The following ZFHX3 variants were observed in gnomAD, a reference collection of about 807,000 sequenced individuals.
ZFHX3 encodes zinc finger homeobox 3.
A neutral mutation model predicts 279.1 loss-of-function variants in ZFHX3; 42 were observed. The ratio of observed to expected loss-of-function variants is 0.15; its 90% CI spans 0.12 to 0.19. The LOEUF (loss-of-function observed/expected upper bound fraction) is 0.19, where lower values mean the gene tolerates loss of function less well. Ranked by LOEUF, ZFHX3 falls within the 10% of genes least tolerant of loss-of-function variation. ZFHX3 has a pLI of 1.00. For synonymous variants in ZFHX3, 2,293 were observed against 1,957.8 expected, an observed-to-expected ratio of 1.17 and a Z score of -4.52; for missense variants, 4,981 against 4,754.0, an observed-to-expected ratio of 1.05 and a Z score of -1.40.
intron 1 of ZFHX3, among the ~76,000 whole-genome samples, chr16:73,708,558 T>A (rs1468844915): frequency 6.6e-6 from 1 of 152,204 alleles, no homozygotes; most frequent in Non-Finnish European, 1.5e-5. Flanking sequence ...AGGATTACCA[T>A]CAGAACTGTT....
intron 1 of ZFHX3, among the ~76,000 whole-genome samples, chr16:73,778,236 T>TA (rs10654824): frequency 0.015 from 863 of 58,680 alleles, 103 homozygotes; most frequent in Admixed American, 0.039. Context: ...GAAGGAGTGT[T>TA]AAAAAAAAAA....
In ZFHX3 at chr16:72,959,797, C is replaced by G. The variant is rs201151237; in HGVS notation, c.349G>C (p.Gly117Arg). 6.3e-7 allele frequency: 1 copy of G among 1,598,234 alleles called. No homozygotes were observed. Among genetic ancestry groups the G allele is most frequent in the Non-Finnish European group, 8.5e-7 (1 of 1,170,520 alleles). ...PLREESASDT[G>R]EEGDEESDVE... is the part of the protein sequence containing the mutation. ...TCACTCTCCTCGTCCCCCTCCTCACCGGTGTCGCTGGCGCTCTCCTCTCTC... is the reference window on the plus strand; with the variant it reads ...TCACTCTCCTCGTCCCCCTCCTCACGGGTGTCGCTGGCGCTCTCCTCTCTC... The change falls in exon 2 of 10, where the codon GGT (glycine) becomes CGT (arginine). Residue 117 changes from glycine (G) to arginine (R), a missense_variant. Gly to Arg is a moderately radical substitution (Grantham distance 125). Around this residue, in one of 7 missense-constraint regions of ZFHX3, gnomAD observed 1,068 missense variants for 935.2 expected, o/e 1.14. Coordinates refer to ENST00000268489, the MANE Select transcript of ZFHX3 (RefSeq NM_006885.4).
At chr16:73,595,952 T>G (rs150259545) in intron 2 of ZFHX3, among the ~76,000 whole-genome samples, 124 of 152,220 alleles carry the variant, frequency 8.1e-4, no homozygotes, top group African/African-American at 2.8e-3. Context: ...GCCAGACCAC[T>G]GTTTTCTCTC....
chr16:72,896,727 G>A (rs561178592), intron 3 of ZFHX3, among the ~76,000 whole-genome samples: 2 of 152,278 alleles, frequency 1.3e-5, no homozygotes, highest in South Asian at 2.1e-4. Flanking sequence ...CTATAAATCT[G>A]GAGGGGCCCC....
At chr16:73,234,599 C>A (rs1317113058) in intron 5 of ZFHX3, among the ~76,000 whole-genome samples, 1 of 152,204 alleles carries the variant, frequency 6.6e-6, no homozygotes, top group Non-Finnish European at 1.5e-5. Context: ...CCACAGACAG[C>A]AGACCACTTG....
Position 73,591,734 on chromosome 16 carries a change from C to T in ZFHX3, c.-1547+88446G>A, listed in dbSNP as rs563935918. Among the ~76,000 whole-genome samples the T allele has an allele frequency of 3.0e-5, 3 of 99,812 alleles. 1 individual carries two copies. The highest frequency in any genetic ancestry group is 7.2e-4 in the South Asian group (2 of 2,760). The allele number at this position is 99,812 out of a possible 152,430, so 65.5% of individuals were successfully genotyped here. ...AAAAAAAAAAGAAAAGAAAAGAAAACGGAGGGATGGGGAATCTACAGATCA... is the reference window on the plus strand; with the variant it reads ...AAAAAAAAAAGAAAAGAAAAGAAAATGGAGGGATGGGGAATCTACAGATCA... On this transcript the variant is annotated intron_variant, in intron 2 of 17. Transcript: ENST00000641206.
chr16:73,736,004 G>A (rs2053607180), intron 1 of ZFHX3, among the ~76,000 whole-genome samples: 1 of 151,926 alleles, frequency 6.6e-6, no homozygotes. Flanking sequence ...CTCCCCCAGG[G>A]TACTAAGCAC....
intron 8 of ZFHX3, among the ~76,000 whole-genome samples, chr16:73,080,971 G>A (rs766184513): frequency 5.9e-5 from 9 of 152,132 alleles, no homozygotes; most frequent in Non-Finnish European, 1.0e-4. Flanking sequence ...CCCTCCACCC[G>A]AGTTTGTGCA....
chr16:73,216,975 A>G (rs1438848029), intron 5 of ZFHX3, among the ~76,000 whole-genome samples: 1 of 152,146 alleles, frequency 6.6e-6, no homozygotes, highest in African/African-American at 2.4e-5. Flanking sequence ...GGTCCACTTA[A>G]GTTCTCCCTT....
chr16:73,220,532 CA>C (rs2012378392), intron 5 of ZFHX3, among the ~76,000 whole-genome samples: 1 of 152,042 alleles, frequency 6.6e-6, no homozygotes. Context: ...TTTAATATTC[CA>C]GTGTGCACCC....
At chr16:73,313,305 T>C (rs1340869915) in intron 4 of ZFHX3, among the ~76,000 whole-genome samples, 1 of 152,146 alleles carries the variant, frequency 6.6e-6, no homozygotes, top group Non-Finnish European at 1.5e-5. Context: ...AATTACTTAG[T>C]CTTGGGTAGT....
intron 3 of ZFHX3, among the ~76,000 whole-genome samples, chr16:73,319,485 G>GCTA (rs1266839374): frequency 2.0e-5 from 3 of 152,066 alleles, no homozygotes; most frequent in Non-Finnish European, 4.4e-5. Context: ...GTTGTTGAGG[G>GCTA]CTAGCTGTGG....
chr16:72,923,520 A>G (rs1195183142), intron 3 of ZFHX3, among the ~76,000 whole-genome samples: 1 of 151,964 alleles, frequency 6.6e-6, no homozygotes, highest in Non-Finnish European at 1.5e-5. Context: ...AACACCTCAC[A>G]TTATTTATAA....
At chr16:73,313,957 G>T (rs1567447856) in intron 4 of ZFHX3, among the ~76,000 whole-genome samples, 1 of 152,154 alleles carries the variant, frequency 6.6e-6, no homozygotes, top group South Asian at 2.1e-4. Context: ...AAATTAGCTG[G>T]TCATGGTGGC....
intron 1 of ZFHX3, among the ~76,000 whole-genome samples, chr16:73,862,921 G>T (rs1432634091): frequency 6.6e-6 from 1 of 152,070 alleles, no homozygotes; most frequent in African/African-American, 2.4e-5. Context: ...AGATTAATTA[G>T]TAGAAGCATG....
intron 5 of ZFHX3, among the ~76,000 whole-genome samples, chr16:73,148,075 A>G (rs1966875683): frequency 6.6e-6 from 1 of 152,320 alleles, no homozygotes; most frequent in Non-Finnish European, 1.5e-5. Context: ...AATTTTGCCC[A>G]TGGCCCACTA....
At chr16:73,182,926 C>CG (rs1468572994) in intron 5 of ZFHX3, among the ~76,000 whole-genome samples, 6 of 152,054 alleles carry the variant, frequency 3.9e-5, no homozygotes, top group Admixed American at 3.9e-4. Context: ...CTCTTGGGGC[C>CG]GGGCGTGGTG....
intron 3 of ZFHX3, among the ~76,000 whole-genome samples, chr16:72,908,528 T>C (rs747472979): frequency 1.8e-4 from 27 of 152,212 alleles, no homozygotes; most frequent in Admixed American, 4.6e-4. Context: ...AGGAATTGAT[T>C]ACTTGATCGT....
At chr16:73,001,167 C>T (rs115210810) in intron 1 of ZFHX3, among the ~76,000 whole-genome samples, 4,955 of 152,306 alleles carry the variant, frequency 0.033, 290 homozygotes, top group African/African-American at 0.11. Context: ...TCTCCTCCTC[C>T]TCTCCCTTAT....
Sources: gnomAD v4.1 joint callset for allele counts (sites outside exome capture counted in the v4.1 genomes callset) on GRCh38, gnomAD v4.1.1 for gene constraint, gnomAD v4.1.1 regional missense constraint, MANE v1.5 for transcripts, NCBI Gene and HGNC (gene_info 2026-07-23, HGNC 2026-07-21) for gene names.